The following AUTS2 variants were observed in gnomAD, a reference collection of about 807,000 sequenced individuals.
AUTS2 encodes autism susceptibility gene 2 protein.
AUTS2 carries 17 observed loss-of-function variants against 112.4 expected under a neutral mutation model. The observed-to-expected ratio is 0.15, with a 90% CI of 0.10 to 0.23. The LOEUF is 0.23. Ranked by LOEUF, AUTS2 falls within the 10% of genes least tolerant of loss-of-function variation. The pLI is 1.00. For missense variants in AUTS2, 1,510 were observed against 1,701.6 expected (o/e 0.89, Z 1.98); for synonymous variants, 751 against 702.7 (o/e 1.07, Z -1.09).
intron 1 of AUTS2, among the ~76,000 whole-genome samples, chr7:69,877,881 A>G (rs1407078597): frequency 6.6e-6 from 1 of 152,182 alleles, no homozygotes; most frequent in Non-Finnish European, 1.5e-5. Context: ...GTAGTGAAGA[A>G]TGAGTTGTGT....
At chr7:69,816,281 C>T (rs759847311) in intron 1 of AUTS2, among the ~76,000 whole-genome samples, 4 of 152,162 alleles carry the variant, frequency 2.6e-5, no homozygotes, top group African/African-American at 7.2e-5. Context: ...ATTAAAATAT[C>T]GACTTACATT....
At chr7:69,904,546 CTTTGCTATGTGCTCT>C (rs1795083567) in intron 2 of AUTS2, among the ~76,000 whole-genome samples, 1 of 152,122 alleles carries the variant, frequency 6.6e-6, no homozygotes, top group Non-Finnish European at 1.5e-5. Flanking sequence ...AAGACATGAA[CTTTGCTATGTGCTCT>C]TTCATACATA....
At chr7:70,169,264 G>A (rs1055356178) in intron 4 of AUTS2, among the ~76,000 whole-genome samples, 14 of 150,946 alleles carry the variant, frequency 9.3e-5, no homozygotes, top group Non-Finnish European at 2.1e-4. Context: ...TTTTTGAGAC[G>A]GCATCTCACT....
At chr7:70,665,176 G>C (rs1466755781) in intron 5 of AUTS2, among the ~76,000 whole-genome samples, 1 of 152,168 alleles carries the variant, frequency 6.6e-6, no homozygotes, top group Non-Finnish European at 1.5e-5. Flanking sequence ...CCAAGGAGGT[G>C]TTTGTTTATA....
intron 1 of AUTS2, among the ~76,000 whole-genome samples, chr7:69,673,775 A>G (rs975945587): frequency 6.6e-6 from 1 of 152,216 alleles, no homozygotes; most frequent in African/African-American, 2.4e-5. Flanking sequence ...AGTCACATCA[A>G]CTTTTTGACA....
chr7:69,890,022 AT>A (rs1005202411), intron 1 of AUTS2, among the ~76,000 whole-genome samples: 7 of 150,226 alleles, frequency 4.7e-5, no homozygotes, highest in East Asian at 1.9e-4. Flanking sequence ...GGAGGAGTTA[AT>A]TTTTTTTTTA....
intron 4 of AUTS2, among the ~76,000 whole-genome samples, chr7:70,178,126 T>G (rs1442100616): frequency 2.0e-5 from 3 of 151,868 alleles, no homozygotes; most frequent in Admixed American, 2.0e-4. Flanking sequence ...ATTGTTCTTA[T>G]TTTTATTTGT....
chr7:70,101,772 G>C (rs929128198), intron 2 of AUTS2, among the ~76,000 whole-genome samples: 1 of 152,068 alleles, frequency 6.6e-6, no homozygotes, highest in Non-Finnish European at 1.5e-5. Flanking sequence ...TAATGTGTCA[G>C]GGAGTTTTTA....
intron 5 of AUTS2, among the ~76,000 whole-genome samples, chr7:70,525,127 G>A (rs1799789570): frequency 6.6e-6 from 1 of 152,206 alleles, no homozygotes; most frequent in Non-Finnish European, 1.5e-5. Context: ...CTGACAGACA[G>A]TCGGATAGCA....
intron 1 of AUTS2, among the ~76,000 whole-genome samples, chr7:69,837,812 C>T (rs529055926): frequency 1.8e-4 from 28 of 152,308 alleles, no homozygotes; most frequent in Admixed American, 6.5e-4. Flanking sequence ...TAATAATACA[C>T]GTTTTCCATT....
At chr7:70,731,094 GT>G (rs1307198301) in intron 6 of AUTS2, among the ~76,000 whole-genome samples, 1 of 152,026 alleles carries the variant, frequency 6.6e-6, no homozygotes, top group Non-Finnish European at 1.5e-5. Flanking sequence ...TGGGCTATTT[GT>G]TTTTTTATTG....
intron 5 of AUTS2, among the ~76,000 whole-genome samples, chr7:70,450,408 G>A (rs1048929368): frequency 6.6e-6 from 1 of 152,202 alleles, no homozygotes; most frequent in African/African-American, 2.4e-5. Context: ...TGGAATAGAT[G>A]TTACTAGGTA....
intron 5 of AUTS2, among the ~76,000 whole-genome samples, chr7:70,516,316 A>G (rs146048878): frequency 1.3e-3 from 200 of 152,326 alleles, no homozygotes; most frequent in Non-Finnish European, 2.4e-3. Flanking sequence ...GGATTTAGGC[A>G]GGAATCTGCC....
intron 5 of AUTS2, among the ~76,000 whole-genome samples, chr7:70,624,522 G>A (rs770570030): frequency 1.1e-4 from 17 of 152,024 alleles, no homozygotes; most frequent in Non-Finnish European, 2.1e-4. Flanking sequence ...TTATTTTCAG[G>A]TCCCCACATT....
At chr7:70,751,132 G>A (rs17684333) in intron 6 of AUTS2, among the ~76,000 whole-genome samples, 61,258 of 152,054 alleles carry the variant, frequency 0.4, 14,352 homozygotes, top group African/African-American at 0.65. Context: ...ACAGGGGCGC[G>A]TTGCAACACA....
intron 4 of AUTS2, among the ~76,000 whole-genome samples, chr7:70,411,539 T>C (rs1448492323): frequency 6.6e-6 from 1 of 152,136 alleles, no homozygotes; most frequent in African/African-American, 2.4e-5. Flanking sequence ...ACTGTGATAC[T>C]GGGATGTTGA....
chr7:70,404,278 C>T (rs527451835), intron 4 of AUTS2, among the ~76,000 whole-genome samples: 1 of 152,186 alleles, frequency 6.6e-6, no homozygotes, highest in South Asian at 2.1e-4. Context: ...TACAGTACAC[C>T]GTCAATAGAG....
At chr7:69,680,032 A>G (rs1352911718) in intron 1 of AUTS2, among the ~76,000 whole-genome samples, 1 of 152,214 alleles carries the variant, frequency 6.6e-6, no homozygotes, top group African/African-American at 2.4e-5. Context: ...CATAGATACT[A>G]CATTTTTTAG....
chr7:70,461,034 T>G (rs1796941264), intron 5 of AUTS2, among the ~76,000 whole-genome samples: 1 of 152,046 alleles, frequency 6.6e-6, no homozygotes, highest in Admixed American at 6.6e-5. Context: ...GGGTGTCAGG[T>G]CATAAAGGAC....
Sources: gnomAD v4.1 joint callset for allele counts (sites outside exome capture counted in the v4.1 genomes callset) on GRCh38, gnomAD v4.1.1 for gene constraint, MANE v1.5 for transcripts, NCBI Gene and HGNC (gene_info 2026-07-23, HGNC 2026-07-21) for gene names.